Variants in CYFIP2 observed in about 807,000 individuals in gnomAD.
CYFIP2 encodes cytoplasmic FMR1-interacting protein 2.
Under a neutral mutation model 158.7 loss-of-function variants are expected in CYFIP2, and 29 were observed. The ratio of observed to expected loss-of-function variants is 0.18; its 90% confidence interval spans 0.14 to 0.25. The LOEUF (loss-of-function observed/expected upper bound fraction) is 0.25, where lower values mean the gene tolerates loss of function less well. Ranked by LOEUF, CYFIP2 falls within the 10% of genes least tolerant of loss-of-function variation. CYFIP2 has a pLI of 1.00. For missense variants in CYFIP2, 852 were observed against 1,639.5 expected, an observed-to-expected ratio of 0.52 and a Z score of 8.29; for synonymous variants, 585 against 617.6, an observed-to-expected ratio of 0.95 and a Z score of 0.78.
chr5:157,361,139 A>ATATT lies in CYFIP2; in HGVS notation c.2909-328_2909-325dup, dbSNP rs1418033481. Among the ~76,000 whole-genome samples the ATATT allele has an allele frequency of 6.6e-6, 1 of 152,118 alleles. No homozygotes were observed. Among genetic ancestry groups the ATATT allele is most frequent in the Non-Finnish European group, 1.5e-5 (1 of 68,010 alleles). ...CACAATATCTGACACCTACTAATAA[A>ATATT]TATTAATTCCTGTCATGATTAGGAA... On this transcript the variant is annotated intron_variant, in intron 25 of 30. Coordinates refer to ENST00000620254, the MANE Select transcript of CYFIP2 (RefSeq NM_001037333.3). This position sits in a 1 kb window ranked among gnomAD's most constrained non-coding sequence, Gnocchi z 4.4.
chr5:157,368,823 GC>G (rs1472418173), intron 26 of CYFIP2, among the ~76,000 whole-genome samples: 1 of 151,722 alleles, frequency 6.6e-6, no homozygotes, highest in Non-Finnish European at 1.5e-5. Flanking sequence ...CCACCCACCT[GC>G]CGGTTGTCAG....
intron 17 of CYFIP2, 40 bp from the exon 18 acceptor site, chr5:157,326,131 G>A: frequency 1.4e-6 from 2 of 1,435,724 alleles, no homozygotes; most frequent in East Asian, 4.5e-5. Context: ...CCTTAAGGGG[G>A]GTTATTAGCA....
rs556146076 is a variant in CYFIP2, at chr5:157,298,103, C to G, written c.387+1329C>G. Among the ~76,000 whole-genome samples, 7 of 152,270 alleles carry G rather than the reference C, an allele frequency of 4.6e-5. No individual in the cohort carries two copies. In the South Asian group the frequency reaches 6.2e-4, roughly 14 times the overall value. On this transcript the variant is annotated intron_variant, in intron 5 of 30. Transcript: ENST00000620254. ...AATCGGGGCCATCATTTCTCCTCCCCCTTCCTTCCCTGCTTTCCTTTTCTT... is the reference window on the plus strand; with the variant it reads ...AATCGGGGCCATCATTTCTCCTCCCGCTTCCTTCCCTGCTTTCCTTTTCTT...
At chr5:157,291,800 A>G (rs1262024561) in intron 3 of CYFIP2, among the ~76,000 whole-genome samples, 1 of 152,272 alleles carries the variant, frequency 6.6e-6, no homozygotes, top group African/African-American at 2.4e-5. Flanking sequence ...TGTTATACTA[A>G]TAAGATATTA....
At position 157,361,658 on chromosome 5, in the gene CYFIP2, A is replaced by G. The variant is rs1197698047; in HGVS notation, c.3039+60A>G. The G allele has an allele frequency of 6.2e-7, 1 of 1,604,546 alleles. No individual in the cohort carries two copies. The highest frequency in any genetic ancestry group is 2.2e-5 in the East Asian group (1 of 44,680). ...CAGGTTGGAGGGGATGCCAACCCCA[A>G]GCAGATATTGAGGCTCCTGCAGCAT... On this transcript the variant is annotated intron_variant, in intron 26 of 30. Transcript: ENST00000620254. The surrounding 1 kb of genome is among the most constrained non-coding windows in gnomAD (Gnocchi z 4.4).
At position 157,395,537 on chromosome 5, in the gene CYFIP2, T is replaced by G. The variant is rs759663105; in HGVS notation, c.*2537T>G. 1 of 970,826 alleles carries G rather than the reference T, an allele frequency of 1.0e-6. No individual in the cohort carries two copies. Among genetic ancestry groups the G allele is most frequent in the Non-Finnish European group, 1.4e-6 (1 of 699,154 alleles). 60.1% of individuals were successfully genotyped at this position (970,826 alleles called of 1,614,324 possible). A position where few individuals can be genotyped will look rare whatever the true frequency, so the allele number is the denominator to read the frequency against. ...TTGATTTGTATTTTGGGGGTACCTG[T>G]GTTGAGTTGATAAACATTTCCATCT... On this transcript the variant is annotated 3_prime_UTR_variant, in exon 31 of 31. Transcript: ENST00000620254.
At chr5:157,346,922 G>A (rs114320444) in intron 23 of CYFIP2, among the ~76,000 whole-genome samples, 1,964 of 152,184 alleles carry the variant, frequency 0.013, 48 homozygotes, top group African/African-American at 0.043. Context: ...ATAAAGGGCC[G>A]TCTGGCTTTG....
At chr5:157,270,057 T>C (rs1400856188) in intron 1 of CYFIP2, among the ~76,000 whole-genome samples, 1 of 152,232 alleles carries the variant, frequency 6.6e-6, no homozygotes, top group Admixed American at 6.5e-5. Flanking sequence ...CTTGCAGGGA[T>C]CATTCTGGTT....
Position 157,279,512 on chromosome 5 carries a change from C to G in CYFIP2, c.-23-5827C>G, listed in dbSNP as rs952796463. On this transcript the variant is annotated intron_variant, in intron 1 of 30. Coordinates refer to ENST00000620254, the MANE Select transcript of CYFIP2 (RefSeq NM_001037333.3). ...GTCGCCCTGCATTTATGGGACCCAC[C>G]CCCCTCTTGCTTGGGGTCTGTCAGT... Among the ~76,000 whole-genome samples, 5 of 152,300 alleles carry G rather than the reference C, an allele frequency of 3.3e-5. No homozygotes were observed. The South Asian group carries it at 1.0e-3, about 32-fold the overall frequency.
At chr5:157,391,199 G>A (rs549876423) in intron 30 of CYFIP2, among the ~76,000 whole-genome samples, 5 of 152,294 alleles carry the variant, frequency 3.3e-5, no homozygotes, top group Admixed American at 2.0e-4. Context: ...AACAGTGACA[G>A]CAGAGGCACT....
rs3207362 is a variant in CYFIP2 at position 157,309,800 on chromosome 5, A to G, written c.958A>G (p.Lys320Glu). 1 of 1,606,086 alleles carries G rather than the reference A, an allele frequency of 6.2e-7. No individual in the cohort carries two copies. The change falls in exon 10 of 31, where the codon AAG becomes GAG. Residue 320 changes from lysine (K) to glutamate (E), a missense_variant. Physicochemically the swap from Lys to Glu is moderately conservative, Grantham distance 56. Coordinates refer to ENST00000620254, the MANE Select transcript of CYFIP2 (RefSeq NM_001037333.3). ...GCAGATAGAGCTGGCCAGATACATT[A>G]AGACCAGTGCTCACTATGAAGAGAA... ...DMQIELARYI[K>E]TSAHYEENKS...
intron 1 of CYFIP2, among the ~76,000 whole-genome samples, chr5:157,272,992 G>C (rs1422609652): frequency 6.6e-6 from 1 of 151,992 alleles, no homozygotes; most frequent in South Asian, 2.1e-4. Context: ...TCAGCCTCCC[G>C]AGTAGCTGGG....
At chr5:157,342,932 G>C in intron 23 of CYFIP2, 1 of 1,614,222 alleles carries the variant, frequency 6.2e-7, no homozygotes, top group Non-Finnish European at 8.5e-7. Flanking sequence ...CGCATCAGGG[G>C]CATCCTGGTT....
Position 157,311,794 on chromosome 5 carries a change from G to T in CYFIP2, c.1110+13G>T. 6.3e-7 allele frequency: 1 copy of T among 1,580,770 alleles called. No individual in the cohort carries two copies. On this transcript the variant is annotated intron_variant, in intron 11 of 30. Coordinates refer to ENST00000620254, the MANE Select transcript of CYFIP2 (RefSeq NM_001037333.3). This position sits in a 1 kb window ranked among gnomAD's most constrained non-coding sequence, Gnocchi z 4.7. ...CAGCAACAGTGAGGTGAGCATGCAGGCTGCTGGGGCACAGGCCCGTGGGCC... is the reference window on the plus strand; with the variant it reads ...CAGCAACAGTGAGGTGAGCATGCAGTCTGCTGGGGCACAGGCCCGTGGGCC...
intron 23 of CYFIP2, among the ~76,000 whole-genome samples, chr5:157,346,632 GGTCTCCAGAACTGT>G (rs1180252632): frequency 1.3e-5 from 2 of 152,130 alleles, no homozygotes; most frequent in African/African-American, 4.8e-5. Context: ...TCAGGCTTCT[GGTCTCCAGAACTGT>G]GAGAGAATAA....
chr5:157,343,130 C>G (rs753550804), intron 23 of CYFIP2: 1 of 1,614,186 alleles, frequency 6.2e-7, no homozygotes, highest in Non-Finnish European at 8.5e-7. Flanking sequence ...ACGGACACAC[C>G]AGAACTGGAG....
chr5:157,298,663 C>T (rs1386371017), intron 5 of CYFIP2, among the ~76,000 whole-genome samples: 1 of 152,032 alleles, frequency 6.6e-6, no homozygotes, highest in African/African-American at 2.4e-5. Flanking sequence ...AATTTTAGAA[C>T]ATCTTCATTA....
At chr5:157,314,565 C>A in intron 12 of CYFIP2, 102 bp downstream of exon 12, 2 of 1,450,756 alleles carry the variant, frequency 1.4e-6, no homozygotes, top group Non-Finnish European at 1.8e-6. Context: ...TACGGAGTTA[C>A]AATTCACGTA....
At chr5:157,303,844 C>A (rs1758989443) in intron 7 of CYFIP2, among the ~76,000 whole-genome samples, 2 of 151,926 alleles carry the variant, frequency 1.3e-5, no homozygotes, top group African/African-American at 4.8e-5. Flanking sequence ...CAGCTCTCCT[C>A]CCCTGGGTGG....
Sources: allele counts gnomAD v4.1 joint callset (sites outside exome capture counted in the v4.1 genomes callset), GRCh38; gene constraint gnomAD v4.1.1; non-coding constraint Gnocchi (gnomAD v3.1); transcripts MANE v1.5; gene names NCBI Gene and HGNC (gene_info 2026-07-23, HGNC 2026-07-21).